Variants in TSPAN15 observed in about 807,000 individuals in gnomAD.
TSPAN15 encodes the protein tetraspanin-15.
In TSPAN15, 20 loss-of-function variants were observed where a neutral mutation model predicts 34.5. That is an observed-to-expected ratio of 0.58 (90% CI 0.41 to 0.84). TSPAN15 has a LOEUF of 0.84. Among genes scored for constraint, TSPAN15 ranks in the 40% least tolerant of loss-of-function variants. The pLI is 0.00. For missense variants in TSPAN15, 313 were observed against 386.1 expected, an observed-to-expected ratio of 0.81 and a Z score of 1.59; for synonymous variants, 155 against 153.9, an observed-to-expected ratio of 1.01 and a Z score of -0.05.
Position 69,455,812 on chromosome 10 carries a change from A to G in TSPAN15, c.96+4122A>G, listed in dbSNP as rs565485972. Among the ~76,000 whole-genome samples, 9 of 152,024 alleles carry G rather than the reference A, an allele frequency of 5.9e-5. No homozygotes were observed. In the East Asian group the frequency reaches 1.7e-3, roughly 29 times the overall value. On this transcript the variant is annotated intron_variant, in intron 1 of 7. Coordinates refer to ENST00000373290, the MANE Select transcript of TSPAN15 (RefSeq NM_012339.5). ...GCAGACACGCACCTGCCATCAGTAT[A>G]TACAGCTTGATGAGTTTTCACAAAG...
chr10:69,465,875 C>T lies in TSPAN15; in HGVS notation c.96+14185C>T, dbSNP rs973295937. Among the ~76,000 whole-genome samples the T allele has an allele frequency of 1.2e-4, 18 of 152,360 alleles. No individual in the cohort carries two copies. In the Middle Eastern group the frequency reaches 0.014, roughly 115 times the overall value. On this transcript the variant is annotated intron_variant, in intron 1 of 7. Transcript: ENST00000373290. ...CTCTGATCCTCCCCGAAGCTCTGCG[C>T]TTCCAGAAGGCCATCCCGGTCAGGT...
chr10:69,495,503 C>T, intron 3 of TSPAN15, 91 bp from the exon 4 acceptor site: 1 of 924,800 alleles, frequency 1.1e-6, no homozygotes, highest in Non-Finnish European at 1.8e-6. Flanking sequence ...TGGCACAAGG[C>T]ATTCTCTACC....
At chr10:69,466,627 A>G (rs1841390698) in intron 1 of TSPAN15, among the ~76,000 whole-genome samples, 2 of 152,212 alleles carry the variant, frequency 1.3e-5, no homozygotes, top group South Asian at 4.1e-4. Flanking sequence ...CAACCTGACC[A>G]CGTGGAGACG....
chr10:69,484,039 C>A, intron 2 of TSPAN15, 163 bp downstream of exon 2: 1 of 606,034 alleles, frequency 1.7e-6, no homozygotes, highest in Non-Finnish European at 2.7e-6. Context: ...CAAGAATGCC[C>A]AGGCCACCTC....
At chr10:69,484,952 G>A (rs905239509) in intron 2 of TSPAN15, among the ~76,000 whole-genome samples, 189 bp from the exon 3 acceptor site, 4 of 152,198 alleles carry the variant, frequency 2.6e-5, no homozygotes, top group Non-Finnish European at 4.4e-5. Context: ...CCAGAGACAG[G>A]TTTTCCTGGG....
chr10:69,479,424 A>G (rs1313118764), intron 1 of TSPAN15, among the ~76,000 whole-genome samples: 1 of 152,242 alleles, frequency 6.6e-6, no homozygotes, highest in African/African-American at 2.4e-5. Flanking sequence ...CCTGTTGAAG[A>G]TGCCACGTGG....
chr10:69,467,664 ACACACACAC>A lies in TSPAN15; in HGVS notation c.96+15975_96+15983del, dbSNP rs1287795508. On this transcript the variant is annotated intron_variant, in intron 1 of 7. Coordinates refer to ENST00000373290, the MANE Select transcript of TSPAN15 (RefSeq NM_012339.5). Reference sequence around the variant, plus strand: ...CACACACACACACACACACACACACACACACACACACCTCTTCTTGGAAAACAGAACTTG... The same window carrying A: ...CACACACACACACACACACACACACAACCTCTTCTTGGAAAACAGAACTTG... Among the ~76,000 whole-genome samples the A allele has an allele frequency of 2.9e-3, 437 of 151,884 alleles. 3 individuals are homozygous for A. Among genetic ancestry groups the A allele is most frequent in the East Asian group, 0.021 (107 of 5,166 alleles).
At chr10:69,543,220 G>T in the TSPAN15 span, among the ~76,000 whole-genome samples, 1 of 152,114 alleles carries the variant, frequency 6.6e-6, no homozygotes, top group Non-Finnish European at 1.5e-5. Flanking sequence ...GATGGTTTCT[G>T]ATTTGGTCTC....
chr10:69,463,531 C>T lies in TSPAN15; in HGVS notation c.96+11841C>T, dbSNP rs915164611. ...CTCATCAAAAAGGTATGTTCTTGGC[C>T]GGGTGCGGTGGCTCACACCTGTAAT... On this transcript the variant is annotated intron_variant, in intron 1 of 7. Transcript: ENST00000373290. Among the ~76,000 whole-genome samples the T allele has an allele frequency of 5.9e-5, 9 of 152,062 alleles. No homozygotes were observed. The East Asian group carries it at 9.6e-4, about 16-fold the overall frequency.
At chr10:69,515,973 A>G in the TSPAN15 span, among the ~76,000 whole-genome samples, 1 of 152,288 alleles carries the variant, frequency 6.6e-6, no homozygotes, top group Admixed American at 6.5e-5. Flanking sequence ...CTAAAATACT[A>G]TAGGTCCTGA....
chr10:69,500,946 G>A (rs1297070690), intron 5 of TSPAN15, among the ~76,000 whole-genome samples: 1 of 152,198 alleles, frequency 6.6e-6, no homozygotes, highest in Non-Finnish European at 1.5e-5. Context: ...TGGTGGTGGT[G>A]GTGGTGGAAG....
the TSPAN15 span, among the ~76,000 whole-genome samples, chr10:69,512,716 C>G: frequency 1.3e-5 from 2 of 152,226 alleles, no homozygotes; most frequent in Admixed American, 6.5e-5. Context: ...TGGCTTCTTT[C>G]ACTCAGTAAT....
At chr10:69,519,609 G>C in the TSPAN15 span, among the ~76,000 whole-genome samples, 1 of 152,158 alleles carries the variant, frequency 6.6e-6, no homozygotes, top group Non-Finnish European at 1.5e-5. Context: ...ATGTTCAAAT[G>C]TAAATATTTG....
the TSPAN15 span, among the ~76,000 whole-genome samples, chr10:69,522,375 C>CA: frequency 0.032 from 1,550 of 48,198 alleles, 42 homozygotes; most frequent in African/African-American, 0.077. Flanking sequence ...GACCTTGTCT[C>CA]AAAAAAAAAA....
At chr10:69,493,817 A>G (rs1333040391) in intron 3 of TSPAN15, among the ~76,000 whole-genome samples, 1 of 150,116 alleles carries the variant, frequency 6.7e-6, no homozygotes. Context: ...GTTTCATCAT[A>G]TTGGTCAGGC....
At chr10:69,536,770 A>C in the TSPAN15 span, among the ~76,000 whole-genome samples, 1 of 152,128 alleles carries the variant, frequency 6.6e-6, no homozygotes, top group Non-Finnish European at 1.5e-5. Context: ...GGATCACTTG[A>C]GGTCAGGAGT....
intron 4 of TSPAN15, among the ~76,000 whole-genome samples, chr10:69,495,961 CATA>C (rs1055492382): frequency 7.2e-5 from 11 of 152,300 alleles, no homozygotes; most frequent in Non-Finnish European, 1.3e-4. Flanking sequence ...CTTCCTGCCC[CATA>C]CCCCCAAATA....
chr10:69,470,065 A>G (rs972210922), intron 1 of TSPAN15, among the ~76,000 whole-genome samples: 4 of 152,260 alleles, frequency 2.6e-5, no homozygotes, highest in Middle Eastern at 3.4e-3. Flanking sequence ...TTCTGGCTCT[A>G]TGTCTCTTTA....
chr10:69,523,356 AGG>A, the TSPAN15 span: 26 of 559,380 alleles, frequency 4.6e-5, no homozygotes, highest in South Asian at 4.6e-4. Flanking sequence ...TCCCTCCCAC[AGG>A]GGCCAAAGTC....
Sources: gnomAD v4.1 joint callset for allele counts (sites outside exome capture counted in the v4.1 genomes callset) on GRCh38, gnomAD v4.1.1 for gene constraint, MANE v1.5 for transcripts, NCBI Gene and HGNC (gene_info 2026-07-23, HGNC 2026-07-21) for gene names.